Variants in PDE1C observed in about 807,000 individuals in gnomAD.
PDE1C encodes the protein dual specificity calcium/calmodulin-dependent 3',5'-cyclic nucleotide phosphodiesterase 1C.
PDE1C carries 62 observed loss-of-function variants against 93.1 expected under a neutral mutation model. The ratio of observed to expected loss-of-function variants is 0.67; its 90% CI spans 0.54 to 0.82. The LOEUF (loss-of-function observed/expected upper bound fraction) is 0.82. PDE1C is among the 40% of genes least tolerant of loss of function. The pLI is 0.00. For synonymous variants in PDE1C, 325 were observed against 310.1 expected (o/e 1.05, Z -0.50); for missense variants, 742 against 884.6 (o/e 0.84, Z 2.04).
At chr7:31,924,590 T>G (rs906034107) in intron 2 of PDE1C, among the ~76,000 whole-genome samples, 3 of 144,178 alleles carry the variant, frequency 2.1e-5, no homozygotes, top group African/African-American at 2.6e-5. Context: ...CGAAAGAGCC[T>G]TTTCTTTCCA....
downstream of PDE1C, among the ~76,000 whole-genome samples, chr7:31,746,816 T>C: frequency 6.6e-6 from 1 of 152,058 alleles, no homozygotes; most frequent in Admixed American, 6.6e-5. Flanking sequence ...ATGTCCTAAT[T>C]GAGAGGACAG....
chr7:32,009,196 G>A (rs183382116), intron 2 of PDE1C, among the ~76,000 whole-genome samples: 88 of 152,308 alleles, frequency 5.8e-4, no homozygotes, highest in Non-Finnish European at 1.1e-3. Flanking sequence ...CAAAGACAGG[G>A]AGCCCTGTGG....
intron 1 of PDE1C, among the ~76,000 whole-genome samples, chr7:32,364,814 C>T (rs1225642861): frequency 3.3e-5 from 5 of 152,210 alleles, no homozygotes; most frequent in African/African-American, 1.2e-4. Context: ...TATACCAATC[C>T]CACACTGGTA....
At position 32,113,890 on chromosome 7, in the gene PDE1C, A is replaced by C. The variant is rs773815449; in HGVS notation, c.308+55895T>G. 5.3e-5 allele frequency among the ~76,000 whole-genome samples: 8 copies of C among 152,274 alleles called. No homozygotes were observed. The East Asian group carries it at 5.8e-4, about 11-fold the overall frequency. On this transcript the variant is annotated intron_variant, in intron 3 of 18. Transcript: ENST00000396193. ...GAACTCCGATTCACAATTGCTACAA[A>C]GAGAATAAAACACCTAGGAACACAG...
chr7:32,206,414 C>G (rs1805535057), intron 2 of PDE1C, among the ~76,000 whole-genome samples: 1 of 152,154 alleles, frequency 6.6e-6, no homozygotes, highest in Non-Finnish European at 1.5e-5. Context: ...TTGCATAAAA[C>G]AGACATGTCT....
intron 2 of PDE1C, among the ~76,000 whole-genome samples, chr7:32,206,357 C>T (rs1805526311): frequency 6.6e-6 from 1 of 152,140 alleles, no homozygotes. Context: ...GTCAACCAGA[C>T]ACGGCCCATG....
At chr7:31,803,693 C>T (rs1786397479) in intron 16 of PDE1C, among the ~76,000 whole-genome samples, 1 of 151,958 alleles carries the variant, frequency 6.6e-6, no homozygotes, top group Admixed American at 6.6e-5. Flanking sequence ...TGATGGTTTC[C>T]AGTTTCATCC....
At chr7:31,811,602 T>C (rs1001862965) in intron 15 of PDE1C, among the ~76,000 whole-genome samples, 3 of 152,114 alleles carry the variant, frequency 2.0e-5, no homozygotes, top group Admixed American at 2.0e-4. Context: ...TTCCTTCTAG[T>C]TCATTCTTCC....
At chr7:32,407,909 C>A (rs189430934) in intron 1 of PDE1C, among the ~76,000 whole-genome samples, 21 of 152,178 alleles carry the variant, frequency 1.4e-4, no homozygotes, top group African/African-American at 4.6e-4. Context: ...CAAACCCAAG[C>A]AGCAGCAGAC....
intron 1 of PDE1C, among the ~76,000 whole-genome samples, chr7:32,313,355 G>T (rs1783096778): frequency 6.6e-6 from 1 of 151,080 alleles, no homozygotes; most frequent in South Asian, 2.1e-4. Flanking sequence ...CAATTCCTCA[G>T]GGATCTAGAA....
the PDE1C span, chr7:31,707,310 A>T: frequency 6.3e-6 from 10 of 1,591,546 alleles, no homozygotes; most frequent in Admixed American, 1.0e-4. Flanking sequence ...ACCACTTGTA[A>T]ATAGGTTAGA....
intron 2 of PDE1C, among the ~76,000 whole-genome samples, chr7:32,042,086 G>A (rs1791896822): frequency 6.6e-6 from 1 of 152,132 alleles, no homozygotes; most frequent in Non-Finnish European, 1.5e-5. Context: ...GATCACTTGA[G>A]GTCAGGAGTT....
chr7:31,797,415 G>C (rs931364237), intron 16 of PDE1C, among the ~76,000 whole-genome samples: 14 of 151,784 alleles, frequency 9.2e-5, no homozygotes, highest in African/African-American at 3.1e-4. Flanking sequence ...TAAAGGATGG[G>C]ATTAACTATA....
chr7:32,088,660 G>C (rs1205058549), intron 3 of PDE1C, among the ~76,000 whole-genome samples: 2 of 152,250 alleles, frequency 1.3e-5, no homozygotes, highest in African/African-American at 4.8e-5. Context: ...TTGCAAAGCA[G>C]AGGAAAATCC....
chr7:31,694,420 T>G, the PDE1C span, among the ~76,000 whole-genome samples: 1 of 94,890 alleles, frequency 1.1e-5, no homozygotes, highest in Non-Finnish European at 2.0e-5. Context: ...ACACACAGAT[T>G]TAATATTAAT....
intron 2 of PDE1C, among the ~76,000 whole-genome samples, chr7:31,985,334 C>T (rs1783234872): frequency 6.6e-6 from 1 of 151,928 alleles, no homozygotes; most frequent in Non-Finnish European, 1.5e-5. Context: ...TTATGATTGG[C>T]CCCCAAAAAG....
At chr7:31,622,834 T>C in the PDE1C span, among the ~76,000 whole-genome samples, 4 of 151,818 alleles carry the variant, frequency 2.6e-5, no homozygotes, top group Non-Finnish European at 1.5e-5. Context: ...TTTTTTGAAA[T>C]GATCAACAAA....
intron 16 of PDE1C, chr7:31,788,754 CTAAG>C (rs1437519989): frequency 1.3e-5 from 2 of 152,306 alleles, no homozygotes; most frequent in East Asian, 3.9e-4. Context: ...ACAGAAAAAT[CTAAG>C]TGTTTCTCCA....
chr7:31,624,089 G>A, the PDE1C span, among the ~76,000 whole-genome samples: 1 of 150,862 alleles, frequency 6.6e-6, no homozygotes, highest in Non-Finnish European at 1.5e-5. Flanking sequence ...TCTTCAAGGA[G>A]AACTACAAAC....
Sources: allele counts gnomAD v4.1 joint callset (sites outside exome capture counted in the v4.1 genomes callset), GRCh38; gene constraint gnomAD v4.1.1; transcripts MANE v1.5; gene names NCBI Gene and HGNC (gene_info 2026-07-23, HGNC 2026-07-21).